Variants in UBR3 observed in about 807,000 individuals in gnomAD.
The protein encoded by UBR3 is E3 ubiquitin-protein ligase UBR3.
A neutral mutation model predicts 243.2 loss-of-function variants in UBR3; 85 were observed. The ratio of observed to expected loss-of-function variants is 0.35; its 90% CI spans 0.29 to 0.42. The LOEUF is 0.42. UBR3 is among the 10% of genes least tolerant of loss of function. The probability of loss-of-function intolerance (pLI) is 1.00; values close to 1 mark genes in which losing one functional copy is unlikely to be tolerated. For missense variants in UBR3, 1,686 were observed against 2,300.8 expected (o/e 0.73, Z 5.47); for synonymous variants, 748 against 799.8 (o/e 0.94, Z 1.09).
chr2:169,842,261 T>C (rs2082321905), intron 1 of UBR3, among the ~76,000 whole-genome samples: 1 of 152,018 alleles, frequency 6.6e-6, no homozygotes, highest in Non-Finnish European at 1.5e-5. Context: ...TTGGAGAACC[T>C]GTGTGTCGAA....
intron 10 of UBR3, among the ~76,000 whole-genome samples, chr2:169,909,783 T>C (rs2085179103): frequency 6.6e-6 from 1 of 152,030 alleles, no homozygotes; most frequent in African/African-American, 2.4e-5. Flanking sequence ...TTGTACCCCA[T>C]AAATACATGT....
chr2:169,890,537 A>ATATATAT, intron 5 of UBR3, among the ~76,000 whole-genome samples: 1 of 62,672 alleles, frequency 1.6e-5, no homozygotes, highest in East Asian at 5.5e-4. Context: ...AGAGAGAGAG[A>ATATATAT]GAGATATATA....
intron 1 of UBR3, among the ~76,000 whole-genome samples, chr2:169,869,811 A>G (rs1460543394): frequency 6.6e-6 from 1 of 152,092 alleles, no homozygotes; most frequent in African/African-American, 2.4e-5. Context: ...GCTGTTTGGT[A>G]CTTGTTTTGT....
chr2:169,860,530 T>G (rs1004502751), intron 1 of UBR3, among the ~76,000 whole-genome samples: 2 of 152,190 alleles, frequency 1.3e-5, no homozygotes, highest in Non-Finnish European at 2.9e-5. Flanking sequence ...AGGGAGTAAA[T>G]TTGGTCCTTG....
intron 24 of UBR3, among the ~76,000 whole-genome samples, chr2:169,966,006 T>G (rs374922239): frequency 4.1e-4 from 62 of 152,312 alleles, no homozygotes; most frequent in East Asian, 4.0e-3. Flanking sequence ...TATTAGGTAG[T>G]TTAAGTATGA....
At chr2:170,075,594 T>C (rs1198215439) in intron 36 of UBR3, among the ~76,000 whole-genome samples, 3 of 152,216 alleles carry the variant, frequency 2.0e-5, no homozygotes, top group African/African-American at 7.2e-5. Context: ...TTTATGCTAA[T>C]GCAGAATTTT....
Position 170,080,080 on chromosome 2 carries a change from T to C in UBR3, c.5409+57T>C, listed in dbSNP as rs532727916. ...AAAACACAGATCTCATATCACAAAA[T>C]ATGGTCAAGCCATCTCTTCATATTA... On this transcript the variant is annotated intron_variant, in intron 37 of 38. Transcript: ENST00000272793. The C allele has an allele frequency of 2.1e-5, 31 of 1,488,250 alleles. No individual in the cohort carries two copies. In the South Asian group the frequency reaches 3.5e-4, roughly 17 times the overall value. The allele number at this position is 1,488,250 out of a possible 1,614,324, so 92.2% of individuals were successfully genotyped here.
At chr2:169,967,518 C>G (rs1331701537) in intron 24 of UBR3, among the ~76,000 whole-genome samples, 4 of 152,092 alleles carry the variant, frequency 2.6e-5, no homozygotes, top group African/African-American at 9.7e-5. Context: ...CAGTCAGTCC[C>G]ACCTAAATCG....
Position 169,895,250 on chromosome 2 carries a change from A to G in UBR3, c.1175A>G (p.Tyr392Cys). Residue 392 changes from tyrosine (Y) to cysteine (C), a missense_variant, in exon 7 of 39, where the codon TAT becomes TGT. Transcript: ENST00000272793. ...LEELLFWTIK[Y>C]EFPQKMVTFL... is the part of the protein sequence containing the mutation. ...GAACTATTATTTTGGACTATAAAATATGAATTCCCTCAAAAGATGGTAACT... is the reference window on the plus strand; with the variant it reads ...GAACTATTATTTTGGACTATAAAATGTGAATTCCCTCAAAAGATGGTAACT... 4 of 1,547,030 alleles carry G rather than the reference A, an allele frequency of 2.6e-6. No individual in the cohort carries two copies. The highest frequency in any genetic ancestry group is 2.6e-6 in the Non-Finnish European group (3 of 1,145,728).
chr2:170,078,213 C>G (rs971446816), intron 36 of UBR3: 1 of 496,272 alleles, frequency 2.0e-6, no homozygotes, highest in Non-Finnish European at 3.8e-6. Context: ...TCTCAACTTT[C>G]CTTCTTTCCC....
chr2:169,886,473 T>C (rs1367075588), intron 5 of UBR3, among the ~76,000 whole-genome samples: 1 of 152,204 alleles, frequency 6.6e-6, no homozygotes, highest in Non-Finnish European at 1.5e-5. Flanking sequence ...AACTTTCGCA[T>C]ATTTCTTGTT....
intron 5 of UBR3, among the ~76,000 whole-genome samples, chr2:169,881,951 T>TATAC (rs1162438450): frequency 2.7e-5 from 3 of 112,608 alleles, no homozygotes; most frequent in Non-Finnish European, 3.7e-5. Context: ...ATTACATATG[T>TATAC]ATGTATACAT....
chr2:169,890,930 A>G (rs1301825880), intron 5 of UBR3, among the ~76,000 whole-genome samples: 1 of 150,570 alleles, frequency 6.6e-6, no homozygotes, highest in Non-Finnish European at 1.5e-5. Context: ...AGAGTCTTCC[A>G]TTAGAAGCAG....
At chr2:169,963,032 A>G (rs1345491061) in intron 24 of UBR3, among the ~76,000 whole-genome samples, 1 of 152,164 alleles carries the variant, frequency 6.6e-6, no homozygotes, top group African/African-American at 2.4e-5. Flanking sequence ...CCCAGATGCT[A>G]ACATTCACGT....
In UBR3 at chr2:169,841,803, C is replaced by T. The variant is rs981805228; in HGVS notation, c.545+13751C>T. On this transcript the variant is annotated intron_variant, in intron 1 of 38. Transcript: ENST00000272793. Reference sequence around the variant, plus strand: ...GGCTCGGGACCTGCAGCCCGCCATGCCTAAGCCTCCCACCCACTCCATGGG... The same window carrying T: ...GGCTCGGGACCTGCAGCCCGCCATGTCTAAGCCTCCCACCCACTCCATGGG... Among the ~76,000 whole-genome samples, 43 of 152,380 alleles carry T rather than the reference C, an allele frequency of 2.8e-4. No homozygotes were observed. In the East Asian group the frequency reaches 8.3e-3, roughly 29 times the overall value.
rs540647621 is a variant in UBR3, at chr2:169,898,577, C to G, written c.1465+1842C>G. Among the ~76,000 whole-genome samples the G allele has an allele frequency of 2.6e-5, 4 of 151,736 alleles. No homozygotes were observed. The South Asian group carries it at 8.3e-4, about 32-fold the overall frequency. ...GGGTTGTCTAACTTCAAAGCCTGTA[C>G]TCTTTCTTACCTACTTTGTGAGTCT... On this transcript the variant is annotated intron_variant, in intron 8 of 38. Coordinates refer to ENST00000272793, the MANE Select transcript of UBR3 (RefSeq NM_172070.4).
intron 8 of UBR3, among the ~76,000 whole-genome samples, chr2:169,902,959 T>C (rs2084886926): frequency 6.6e-6 from 1 of 152,190 alleles, no homozygotes. Flanking sequence ...TATGAGTCCC[T>C]CTACTTTTCC....
chr2:170,013,197 G>T (rs1200043632), intron 29 of UBR3, among the ~76,000 whole-genome samples: 5 of 152,148 alleles, frequency 3.3e-5, no homozygotes, highest in African/African-American at 1.2e-4. Context: ...ATTTTCAGCA[G>T]TCGGACATGG....
intron 32 of UBR3, among the ~76,000 whole-genome samples, chr2:170,053,325 C>A (rs1246358492): frequency 6.6e-6 from 1 of 152,178 alleles, no homozygotes; most frequent in African/African-American, 2.4e-5. Context: ...ACCTGCATGA[C>A]CCCAGTAAAA....
Sources: gnomAD v4.1 joint callset for allele counts (sites outside exome capture counted in the v4.1 genomes callset) on GRCh38, gnomAD v4.1.1 for gene constraint, MANE v1.5 for transcripts, NCBI Gene and HGNC (gene_info 2026-07-23, HGNC 2026-07-21) for gene names.